STK24: variants seen among roughly 807,000 people sequenced by gnomAD.
STK24 encodes the protein serine/threonine-protein kinase 24.
A neutral mutation model predicts 55.6 loss-of-function variants in STK24; 21 were observed. That is an observed-to-expected ratio of 0.38 (90% CI 0.27 to 0.54). The LOEUF (loss-of-function observed/expected upper bound fraction) is 0.54, where lower values mean the gene tolerates loss of function less well. Among genes scored for constraint, STK24 ranks in the 20% least tolerant of loss-of-function variants. The probability of loss-of-function intolerance (pLI) is 0.79; values close to 1 mark genes in which losing one functional copy is unlikely to be tolerated. For missense variants in STK24, 383 were observed against 538.4 expected (o/e 0.71, Z 2.86); for synonymous variants, 200 against 215.2 (o/e 0.93, Z 0.62).
chr13:98,566,060 A>G (rs1049370749), intron 1 of STK24, among the ~76,000 whole-genome samples: 5 of 151,982 alleles, frequency 3.3e-5, no homozygotes, highest in Non-Finnish European at 7.4e-5. Context: ...AAGAAGGCCC[A>G]GCCCCTCCGG....
At chr13:98,536,152 G>A (rs1032889404) in intron 1 of STK24, among the ~76,000 whole-genome samples, 72 of 152,078 alleles carry the variant, frequency 4.7e-4, no homozygotes, top group Non-Finnish European at 8.7e-4. Context: ...CCACCGGGGG[G>A]AAAAATGTCA....
intron 1 of STK24, among the ~76,000 whole-genome samples, chr13:98,569,331 C>T (rs1007074127): frequency 3.3e-5 from 5 of 151,534 alleles, no homozygotes; most frequent in South Asian, 2.1e-4. Context: ...CTGTCTCCCA[C>T]GCTGCCTATT....
intron 2 of STK24, among the ~76,000 whole-genome samples, chr13:98,483,193 C>T (rs140267229): frequency 2.0e-5 from 3 of 152,352 alleles, no homozygotes; most frequent in Non-Finnish European, 4.4e-5. Context: ...TCCCACTTCA[C>T]GACCTAGGGG....
Position 98,461,778 on chromosome 13 carries a change from T to C in STK24, c.1049A>G (p.Asn350Ser), listed in dbSNP as rs767141558. The C allele has an allele frequency of 1.1e-5, 18 of 1,614,012 alleles. No individual in the cohort carries two copies. The highest frequency in any genetic ancestry group is 1.5e-5 in the Non-Finnish European group (18 of 1,179,908). The change falls in exon 8 of 11, where the codon AAT (asparagine) becomes AGT (serine). Residue 350 changes from asparagine to serine, a missense_variant. Physicochemically the swap from Asn to Ser is conservative, Grantham distance 46. Coordinates refer to ENST00000539966, the MANE Select transcript of STK24 (RefSeq NM_001032296.4). ...TTCTGGAGTGAGCAGACGTACCTTA[T>C]TTCTGTCCAAGTCCGATGGCTGAAG... is the stretch of plus-strand genomic sequence containing the variant. ...GALQPSDLDR[N>S]KMKDIPKRPF...
intron 1 of STK24, among the ~76,000 whole-genome samples, chr13:98,550,432 G>A (rs549612407): frequency 6.6e-6 from 1 of 152,268 alleles, no homozygotes; most frequent in Non-Finnish European, 1.5e-5. Context: ...TCGAAGGTGA[G>A]GCAGGAGGAT....
chr13:98,466,843 G>A (rs191309138), intron 5 of STK24, among the ~76,000 whole-genome samples: 1 of 151,836 alleles, frequency 6.6e-6, no homozygotes, highest in Admixed American at 6.6e-5. Context: ...GGAGTCCCGG[G>A]GGCCAGCAGG....
At chr13:98,536,661 C>T (rs1231852325) in intron 1 of STK24, among the ~76,000 whole-genome samples, 1 of 151,974 alleles carries the variant, frequency 6.6e-6, no homozygotes, top group Admixed American at 6.6e-5. Context: ...ACCACACCTG[C>T]CCTTCTCTCC....
rs2139190033 is a variant in STK24, at chr13:98,448,152, T to G, written c.*5021A>C. 3 of 1,196,624 alleles carry G rather than the reference T, an allele frequency of 2.5e-6. 1 individual carries two copies. In the South Asian group the frequency reaches 3.7e-5, roughly 15 times the overall value. 74.1% of individuals were successfully genotyped at this position (1,196,624 alleles called of 1,614,324 possible). Reference sequence around the variant, plus strand: ...ACCAACCAGGCGGCCTGACTTCACCTTGTGTTTCTGTAAGCGATGCCCACC... The same window carrying G: ...ACCAACCAGGCGGCCTGACTTCACCGTGTGTTTCTGTAAGCGATGCCCACC... On this transcript the variant is annotated 3_prime_UTR_variant, in exon 11 of 11. Coordinates refer to ENST00000539966, the MANE Select transcript of STK24 (RefSeq NM_001032296.4).
intron 2 of STK24, among the ~76,000 whole-genome samples, chr13:98,502,835 A>G (rs1895527159): frequency 6.6e-6 from 1 of 152,158 alleles, no homozygotes; most frequent in Non-Finnish European, 1.5e-5. Context: ...CTAAGACACA[A>G]AATATGCTAC....
At chr13:98,480,228 T>A (rs1365651197) in intron 3 of STK24, among the ~76,000 whole-genome samples, 1 of 152,222 alleles carries the variant, frequency 6.6e-6, no homozygotes, top group African/African-American at 2.4e-5. Flanking sequence ...CAGACTGCAA[T>A]TCAAAGAAAT....
At chr13:98,455,781 T>G (rs989505294) in intron 10 of STK24, 21 of 152,334 alleles carry the variant, frequency 1.4e-4, no homozygotes, top group African/African-American at 5.1e-4. Flanking sequence ...CTGGACAGTG[T>G]GGAAAGTATT....
At chr13:98,494,144 G>T (rs1469388822) in intron 2 of STK24, among the ~76,000 whole-genome samples, 4 of 144,866 alleles carry the variant, frequency 2.8e-5, no homozygotes, top group Non-Finnish European at 6.1e-5. Context: ...GGGCACGGTG[G>T]CTCAAGCCTG....
At chr13:98,537,539 T>C (rs1896768976) in intron 1 of STK24, among the ~76,000 whole-genome samples, 1 of 152,180 alleles carries the variant, frequency 6.6e-6, no homozygotes, top group Non-Finnish European at 1.5e-5. Flanking sequence ...GGCCACGCAC[T>C]GGCCAGGGTG....
chr13:98,488,259 G>C (rs1894884565), intron 2 of STK24, among the ~76,000 whole-genome samples: 1 of 151,804 alleles, frequency 6.6e-6, no homozygotes, highest in South Asian at 2.1e-4. Flanking sequence ...AAGCCAAGGG[G>C]AGAGGCCTCC....
At chr13:98,544,018 T>C (rs971931245) in intron 1 of STK24, among the ~76,000 whole-genome samples, 9 of 152,152 alleles carry the variant, frequency 5.9e-5, no homozygotes, top group African/African-American at 2.2e-4. Context: ...GGTTTAAAAA[T>C]AGCTATGAAG....
chr13:98,536,064 A>C (rs1286957251), intron 1 of STK24, among the ~76,000 whole-genome samples: 1 of 152,196 alleles, frequency 6.6e-6, no homozygotes, highest in Non-Finnish European at 1.5e-5. Context: ...GAGGCCTCGA[A>C]GGGGAAATTC....
At chr13:98,455,243 T>C (rs376513585) in intron 10 of STK24, 27 of 152,320 alleles carry the variant, frequency 1.8e-4, no homozygotes, top group African/African-American at 6.5e-4. Flanking sequence ...AAATGTAAAA[T>C]TCTCTTTTTG....
At chr13:98,515,553 C>T (rs1466286030) in intron 2 of STK24, among the ~76,000 whole-genome samples, 1 of 152,134 alleles carries the variant, frequency 6.6e-6, no homozygotes, top group African/African-American at 2.4e-5. Flanking sequence ...TGTTCCTTCT[C>T]CTCCCTAAAT....
Position 98,448,575 on chromosome 13 carries a change from C to G in STK24, c.*4598G>C. ...TGCCAGTATTAAAACATTGTCATTACGAGAGTGCCAAATGACATCTTCCCT... is the reference window on the plus strand; with the variant it reads ...TGCCAGTATTAAAACATTGTCATTAGGAGAGTGCCAAATGACATCTTCCCT... On this transcript the variant is annotated 3_prime_UTR_variant, in exon 11 of 11. Transcript: ENST00000539966. The G allele has an allele frequency of 4.4e-6, 2 of 449,898 alleles. No individual in the cohort carries two copies. The highest frequency in any genetic ancestry group is 8.0e-6 in the Non-Finnish European group (2 of 250,644). The allele number at this position is 449,898 out of a possible 1,614,324, so 27.9% of individuals were successfully genotyped here. A position where few individuals can be genotyped will look rare whatever the true frequency, so the allele number is the denominator to read the frequency against.
Sources: allele counts gnomAD v4.1 joint callset (sites outside exome capture counted in the v4.1 genomes callset), GRCh38; gene constraint gnomAD v4.1.1; transcripts MANE v1.5; gene names NCBI Gene and HGNC (gene_info 2026-07-23, HGNC 2026-07-21).